Variants in LRRC39 observed in about 807,000 individuals in gnomAD.
LRRC39 encodes the protein leucine-rich repeat-containing protein 39.
A neutral mutation model predicts 39.7 loss-of-function variants in LRRC39; 35 were observed. The observed-to-expected ratio is 0.88, with a 90% confidence interval of 0.67 to 1.17. LRRC39 has a LOEUF of 1.17. Ranked by LOEUF, LRRC39 falls within the 50% of genes most tolerant of loss-of-function variation. The pLI is 0.00. For synonymous variants in LRRC39, 113 were observed against 134.1 expected, an observed-to-expected ratio of 0.84 and a Z score of 1.09; for missense variants, 357 against 385.8, an observed-to-expected ratio of 0.93 and a Z score of 0.62.
At chr1:100,158,500 C>T (rs1195170948) in intron 5 of LRRC39, 133 bp from the exon 6 acceptor site, 1 of 663,072 alleles carries the variant, frequency 1.5e-6, no homozygotes, top group Non-Finnish European at 2.3e-6. Flanking sequence ...TGCAGTGGCG[C>T]TATCTCGGCT....
intron 1 of LRRC39, among the ~76,000 whole-genome samples, chr1:100,175,842 A>T (rs1480767658): frequency 2.0e-5 from 3 of 152,224 alleles, no homozygotes; most frequent in African/African-American, 7.2e-5. Flanking sequence ...ATACCAATGA[A>T]CATCTGTCAG....
chr1:100,172,689 G>A (rs1401939873), intron 2 of LRRC39, among the ~76,000 whole-genome samples: 3 of 149,952 alleles, frequency 2.0e-5, no homozygotes. Flanking sequence ...GGCCAGGCGC[G>A]GTGGCTCATA....
At chr1:100,163,683 T>G (rs34304756) in intron 3 of LRRC39, among the ~76,000 whole-genome samples, 1 of 151,130 alleles carries the variant, frequency 6.6e-6, no homozygotes, top group Non-Finnish European at 1.5e-5. Context: ...TCCTCCTGCC[T>G]CAGCCTCCCA....
chr1:100,172,744 A>G (rs1340298932), intron 2 of LRRC39, among the ~76,000 whole-genome samples: 1 of 152,052 alleles, frequency 6.6e-6, no homozygotes, highest in Non-Finnish European at 1.5e-5. Flanking sequence ...GGGGATCACG[A>G]AGTCAGGAGA....
At chr1:100,159,182 G>T (rs889368197) in intron 5 of LRRC39, 77 bp downstream of exon 5, 177 of 1,329,108 alleles carry the variant, frequency 1.3e-4, no homozygotes, top group Non-Finnish European at 1.7e-4. Flanking sequence ...TTTATTCCAT[G>T]TATCCAAAAA....
intron 3 of LRRC39, 114 bp downstream of exon 3, chr1:100,168,290 A>G (rs1659379397): frequency 5.0e-6 from 4 of 806,768 alleles, no homozygotes; most frequent in Non-Finnish European, 7.5e-6. Flanking sequence ...TTGAGTTTTC[A>G]GTAAATAAAA....
At chr1:100,176,678 A>G (rs1244309913) in intron 1 of LRRC39, among the ~76,000 whole-genome samples, 2 of 152,232 alleles carry the variant, frequency 1.3e-5, no homozygotes, top group African/African-American at 4.8e-5. Context: ...GCAGGAAAGG[A>G]GAATCTATTT....
At chr1:100,171,669 G>GT (rs747935103) in intron 2 of LRRC39, among the ~76,000 whole-genome samples, 14,116 of 132,884 alleles carry the variant, frequency 0.11, 1,072 homozygotes, top group East Asian at 0.37. Context: ...TGCCTGGCTT[G>GT]TTTTTTTTTT....
chr1:100,161,056 T>G (rs1269887256), intron 3 of LRRC39, among the ~76,000 whole-genome samples: 1 of 152,220 alleles, frequency 6.6e-6, no homozygotes, highest in African/African-American at 2.4e-5. Flanking sequence ...TTTAAATTTT[T>G]TAAAAGTATC....
rs747639354 is a variant in LRRC39, at chr1:100,155,159, GTTAT to G, written c.700_703del (p.Ile234HisfsTer10). ...ATTGCTGATTGTTTGAGGCAAGCATGTTATTTCATTTCGTTGCAGCCATAACGTA... is the reference window on the plus strand; with the variant it reads ...ATTGCTGATTGTTTGAGGCAAGCATGTTCATTTCGTTGCAGCCATAACGTA... On this transcript the variant is annotated frameshift_variant, in exon 8 of 10. Coordinates refer to ENST00000370137, the MANE Select transcript of LRRC39 (RefSeq NM_144620.4). LOFTEE classifies it high-confidence loss of function. 33 of 1,609,416 alleles carry G rather than the reference GTTAT, an allele frequency of 2.1e-5. No homozygotes were observed. Among genetic ancestry groups the G allele is most frequent in the Non-Finnish European group, 2.5e-5 (30 of 1,178,350 alleles).
intron 2 of LRRC39, 97 bp from the exon 3 acceptor site, chr1:100,168,691 C>A: frequency 3.8e-6 from 2 of 526,526 alleles, no homozygotes; most frequent in Non-Finnish European, 3.3e-6. Context: ...TTCCATGCTC[C>A]AAAAACTATT....
upstream of LRRC39, among the ~76,000 whole-genome samples, chr1:100,178,838 A>G (rs1185370880): frequency 2.0e-5 from 3 of 151,962 alleles, no homozygotes; most frequent in African/African-American, 4.8e-5. Flanking sequence ...CACCCCTTCC[A>G]CCATCCCTGC....
chr1:100,153,618 A>G (rs1658226712), intron 8 of LRRC39, among the ~76,000 whole-genome samples: 1 of 152,214 alleles, frequency 6.6e-6, no homozygotes, highest in South Asian at 2.1e-4. Flanking sequence ...ACAAGCGGGC[A>G]AAGGACATGA....
At chr1:100,171,009 A>G (rs577995605) in intron 2 of LRRC39, among the ~76,000 whole-genome samples, 1 of 152,348 alleles carries the variant, frequency 6.6e-6, no homozygotes, top group Admixed American at 6.5e-5. Context: ...TAAAAGATCA[A>G]TCATATCATA....
intron 3 of LRRC39, 82 bp downstream of exon 3, chr1:100,168,322 A>G: frequency 1.0e-6 from 1 of 972,148 alleles, no homozygotes; most frequent in Non-Finnish European, 1.5e-6. Context: ...ATTCAATAAC[A>G]AGGCATTTAG....
At chr1:100,161,183 A>G (rs1658849823) in intron 3 of LRRC39, among the ~76,000 whole-genome samples, 1 of 152,174 alleles carries the variant, frequency 6.6e-6, no homozygotes, top group Non-Finnish European at 1.5e-5. Flanking sequence ...TTGTGCAACT[A>G]TCATCACTAT....
chr1:100,173,701 A>G (rs968334129), intron 1 of LRRC39, among the ~76,000 whole-genome samples: 2 of 152,226 alleles, frequency 1.3e-5, no homozygotes, highest in African/African-American at 2.4e-5. Flanking sequence ...CATGAGTACA[A>G]TTATGAACTA....
intron 9 of LRRC39, among the ~76,000 whole-genome samples, chr1:100,152,083 G>A (rs1658086123): frequency 6.6e-6 from 1 of 152,166 alleles, no homozygotes; most frequent in East Asian, 1.9e-4. Flanking sequence ...TGTGTGGCAA[G>A]CTGGTAGAAT....
upstream of LRRC39, among the ~76,000 whole-genome samples, chr1:100,179,483 G>A (rs1570786506): frequency 5.3e-5 from 5 of 95,034 alleles, no homozygotes; most frequent in South Asian, 2.0e-3. Context: ...GCAACAGAGT[G>A]AGACCCTGTA....
Sources: gnomAD v4.1 joint callset for allele counts (sites outside exome capture counted in the v4.1 genomes callset) on GRCh38, gnomAD v4.1.1 for gene constraint, MANE v1.5 for transcripts, NCBI Gene and HGNC (gene_info 2026-07-23, HGNC 2026-07-21) for gene names.